The following BNIP3 variants were observed in gnomAD, a reference collection of about 807,000 sequenced individuals.
BNIP3 encodes BCL2/adenovirus E1B 19 kDa protein-interacting protein 3.
A neutral mutation model predicts 23.9 loss-of-function variants in BNIP3; 16 were observed. That is an observed-to-expected ratio of 0.67 (90% CI 0.45 to 1.01). The LOEUF (loss-of-function observed/expected upper bound fraction) is 1.01. Ranked by LOEUF, BNIP3 falls within the 50% of genes least tolerant of loss-of-function variation. BNIP3 has a pLI of 0.00. For synonymous variants in BNIP3, 81 were observed against 89.3 expected (o/e 0.91, Z 0.53); for missense variants, 198 against 248.7 (o/e 0.80, Z 1.37).
intron 2 of BNIP3, chr10:131,973,342 AG>A (rs1192152644): frequency 3.8e-6 from 2 of 531,444 alleles, no homozygotes; most frequent in Non-Finnish European, 6.8e-6. Flanking sequence ...GAGAAGACGC[AG>A]GGGCAACTGG....
At chr10:131,971,883 T>A (rs1182568423) in intron 3 of BNIP3, among the ~76,000 whole-genome samples, 1 of 152,212 alleles carries the variant, frequency 6.6e-6, no homozygotes, top group Admixed American at 6.5e-5. Flanking sequence ...AGGGACTCCT[T>A]GTTTCCTTGG....
chr10:131,973,310 G>A (rs536769234), intron 2 of BNIP3, 192 bp from the exon 3 acceptor site: 5 of 577,342 alleles, frequency 8.7e-6, no homozygotes, highest in African/African-American at 7.5e-5. Context: ...AGCACGACAG[G>A]AGTGAGCTAG....
intron 3 of BNIP3, chr10:131,971,501 A>G (rs1215791672): frequency 6.5e-6 from 1 of 154,832 alleles, no homozygotes; most frequent in African/African-American, 2.4e-5. Flanking sequence ...ATTATATAAC[A>G]GCACGAAACA....
At chr10:131,973,394 G>A in intron 2 of BNIP3, 1 of 498,826 alleles carries the variant, frequency 2.0e-6, no homozygotes, top group Non-Finnish European at 3.6e-6. Flanking sequence ...CACGGTCTGG[G>A]TCTGTTGCAC....
intron 1 of BNIP3, 63 bp downstream of exon 1, chr10:131,981,698 T>TTGGCCTCCCTC (rs142589527): frequency 0.16 from 224,524 of 1,440,114 alleles, 18,065 homozygotes; most frequent in Middle Eastern, 0.19. Flanking sequence ...TGGCGCCCTC[T>TTGGCCTCCCTC]TGGCCTTCCC....
chr10:131,972,956 T>C (rs981681308), intron 3 of BNIP3, 78 bp downstream of exon 3: 2 of 1,410,268 alleles, frequency 1.4e-6, no homozygotes, highest in African/African-American at 2.8e-5. Flanking sequence ...TCTGAGGTGC[T>C]CAATTACATT....
intron 2 of BNIP3, chr10:131,973,577 A>G: frequency 1.6e-6 from 1 of 609,322 alleles, no homozygotes; most frequent in Non-Finnish European, 2.8e-6. Context: ...GATGACTTGA[A>G]CATGGCTCCC....
At chr10:131,973,305 G>T in intron 2 of BNIP3, 187 bp from the exon 3 acceptor site, 1 of 587,038 alleles carries the variant, frequency 1.7e-6, no homozygotes, top group South Asian at 1.9e-5. Flanking sequence ...GGCTGAGCAC[G>T]ACAGGAGTGA....
chr10:131,979,734 CAA>C, intron 1 of BNIP3, among the ~76,000 whole-genome samples: 1 of 152,306 alleles, frequency 6.6e-6, no homozygotes, highest in Admixed American at 6.5e-5. Context: ...CTAGAATGAT[CAA>C]GAGATAGAAA....
intron 1 of BNIP3, among the ~76,000 whole-genome samples, chr10:131,978,151 G>A (rs928887239): frequency 1.6e-4 from 25 of 151,908 alleles, no homozygotes; most frequent in African/African-American, 4.6e-4. Context: ...ATCTCATTTC[G>A]CGTCCCTCTC....
chr10:131,977,055 C>G (rs1384470070), intron 1 of BNIP3, among the ~76,000 whole-genome samples: 1 of 152,096 alleles, frequency 6.6e-6, no homozygotes, highest in African/African-American at 2.4e-5. Flanking sequence ...GGCAGATCAT[C>G]TGAGGTCAGG....
chr10:131,979,139 T>G (rs748706956), intron 1 of BNIP3, among the ~76,000 whole-genome samples: 4 of 152,204 alleles, frequency 2.6e-5, no homozygotes, highest in Non-Finnish European at 5.9e-5. Context: ...TGCTGCCTCA[T>G]GCAGAGACCT....
intron 1 of BNIP3, among the ~76,000 whole-genome samples, chr10:131,979,950 G>C (rs1455836357): frequency 6.6e-6 from 1 of 152,232 alleles, no homozygotes; most frequent in Non-Finnish European, 1.5e-5. Flanking sequence ...CTCCGTCCCG[G>C]ATTTGCAGGC....
chr10:131,973,598 G>A, intron 2 of BNIP3, 195 bp downstream of exon 2: 1 of 675,636 alleles, frequency 1.5e-6, no homozygotes, highest in Non-Finnish European at 2.4e-6. Context: ...CACAGACTAA[G>A]TCCCAGGTCA....
Position 131,973,814 on chromosome 10 carries a change from G to A in BNIP3, c.176C>T (p.Ser59Phe). ...CTACCTGTCACAGTGAGAGCTCTTGGAGCTACTCCGTCCAGACTCATGCTG... is the reference window on the plus strand; with the variant it reads ...CTACCTGTCACAGTGAGAGCTCTTGAAGCTACTCCGTCCAGACTCATGCTG... ...DAQHESGRSSSKSSHCDSPPR... is the reference protein window; with the variant it reads ...DAQHESGRSSFKSSHCDSPPR... Residue 59 changes from serine to phenylalanine, a missense_variant, in exon 2 of 6, where the codon TCC (serine) becomes TTC (phenylalanine). Ser to Phe is a radical substitution (Grantham distance 155). Transcript: ENST00000368636. The A allele has an allele frequency of 6.2e-7, 1 of 1,612,370 alleles. No homozygotes were observed. The highest frequency in any genetic ancestry group is 8.5e-7 in the Non-Finnish European group (1 of 1,180,026).
In BNIP3 at chr10:131,970,671, A is replaced by G. The variant is rs1564834364; in HGVS notation, c.506T>C (p.Leu169Pro). 1.2e-6 allele frequency: 2 copies of G among 1,614,190 alleles called. No homozygotes were observed. The highest frequency in any genetic ancestry group is 1.1e-5 in the South Asian group (1 of 91,078). ...AEFLKVFLPS[L>P]LLSHLLAIGL... Reference sequence around the variant, plus strand: ...GATGGCCAGCAAATGAGAGAGCAGCAGAGATGGAAGGAAAACTTTCAGAAA... The same window carrying G: ...GATGGCCAGCAAATGAGAGAGCAGCGGAGATGGAAGGAAAACTTTCAGAAA... Residue 169 changes from leucine (L) to proline (P), a missense_variant, in exon 5 of 6, where the codon CTG (leucine) becomes CCG (proline). Coordinates refer to ENST00000368636, the MANE Select transcript of BNIP3 (RefSeq NM_004052.4). The surrounding 1 kb of genome is among the most constrained non-coding windows in gnomAD (Gnocchi z 4.1).
At chr10:131,973,294 T>C in intron 2 of BNIP3, 176 bp from the exon 3 acceptor site, 1 of 619,320 alleles carries the variant, frequency 1.6e-6, no homozygotes, top group Non-Finnish European at 2.8e-6. Context: ...TCAGCCCTTT[T>C]GGCTGAGCAC....
intron 3 of BNIP3, 131 bp from the exon 4 acceptor site, chr10:131,971,101 C>T (rs2037028285): frequency 1.2e-6 from 1 of 839,556 alleles, no homozygotes; most frequent in African/African-American, 1.7e-5. Flanking sequence ...GTGCCTCGGA[C>T]CGTGGTCCAA....
chr10:131,970,906 C>A lies in BNIP3; in HGVS notation c.347G>T (p.Trp116Leu), dbSNP rs2037026193. The A allele has an allele frequency of 6.2e-7, 1 of 1,614,244 alleles. No individual in the cohort carries two copies. Among genetic ancestry groups the A allele is most frequent in the East Asian group, 2.2e-5 (1 of 44,884 alleles). ...VESILKKNSDWIWDWSSRPEN... is the reference protein window; with the variant it reads ...VESILKKNSDLIWDWSSRPEN... ...CGGCCGACTTGACCAATCCCATATCCAATCTGAGTTTTTCTTCAAGATGCT... is the reference window on the plus strand; with the variant it reads ...CGGCCGACTTGACCAATCCCATATCAAATCTGAGTTTTTCTTCAAGATGCT... The change falls in exon 4 of 6, where the codon TGG (tryptophan) becomes TTG (leucine). Residue 116 changes from tryptophan to leucine, a missense_variant. Physicochemically the swap from Trp to Leu is moderately conservative, Grantham distance 61. Transcript: ENST00000368636. The surrounding 1 kb of genome is among the most constrained non-coding windows in gnomAD (Gnocchi z 4.1).
Sources: gnomAD v4.1 joint callset for allele counts (sites outside exome capture counted in the v4.1 genomes callset) on GRCh38, gnomAD v4.1.1 for gene constraint, Gnocchi (gnomAD v3.1) non-coding constraint, MANE v1.5 for transcripts, NCBI Gene and HGNC (gene_info 2026-07-23, HGNC 2026-07-21) for gene names.